BUB1B: variants seen among roughly 807,000 people sequenced by gnomAD.
BUB1B encodes BUB1 mitotic checkpoint serine/threonine kinase B.
In BUB1B, 86 loss-of-function variants were observed where a neutral mutation model predicts 137.7. The ratio of observed to expected loss-of-function variants is 0.62; its 90% confidence interval spans 0.52 to 0.75. The LOEUF is 0.75. Ranked by LOEUF, BUB1B falls within the 30% of genes least tolerant of loss-of-function variation. BUB1B has a pLI of 0.00. For missense variants in BUB1B, 1,130 were observed against 1,236.9 expected, an observed-to-expected ratio of 0.91 and a Z score of 1.30; for synonymous variants, 420 against 417.9, an observed-to-expected ratio of 1.00 and a Z score of -0.06.
chr15:40,204,515 A>G (rs778276749), intron 14 of BUB1B, among the ~76,000 whole-genome samples: 5 of 151,912 alleles, frequency 3.3e-5, no homozygotes, highest in Non-Finnish European at 7.4e-5. Flanking sequence ...CCCCTAAAAA[A>G]ATCATATTTA....
chr15:40,169,606 ATTC>A (rs2037137898), intron 2 of BUB1B, among the ~76,000 whole-genome samples: 1 of 106,584 alleles, frequency 9.4e-6, no homozygotes, highest in Admixed American at 9.3e-5. Context: ...AATTATTTCT[ATTC>A]TTTTTTTTTT....
intron 8 of BUB1B, among the ~76,000 whole-genome samples, chr15:40,187,852 T>C (rs1471244444): frequency 6.6e-6 from 1 of 152,100 alleles, no homozygotes; most frequent in East Asian, 1.9e-4. Context: ...CGGTGAGCTG[T>C]GACTGCACCA....
intron 1 of BUB1B, 150 bp from the exon 2 acceptor site, chr15:40,164,903 T>C: frequency 9.9e-7 from 1 of 1,007,748 alleles, no homozygotes; most frequent in Non-Finnish European, 1.5e-6. Context: ...CAAAGAAGCT[T>C]AGGCATATAA....
chr15:40,216,676 A>G (rs1361641556), intron 20 of BUB1B, among the ~76,000 whole-genome samples: 1 of 150,710 alleles, frequency 6.6e-6, no homozygotes, highest in Non-Finnish European at 1.5e-5. Flanking sequence ...AGTAAAATAC[A>G]TAGATCATTC....
At chr15:40,206,078 T>C (rs1431980034) in intron 14 of BUB1B, 106 bp from the exon 15 acceptor site, 5 of 1,153,074 alleles carry the variant, frequency 4.3e-6, no homozygotes, top group East Asian at 4.8e-5. Context: ...TATTCTGATA[T>C]GCTATTTCTG....
rs1324135738 is a variant in BUB1B, at chr15:40,165,056, A to G, written c.39A>G (p.Glu13=). 6.2e-7 allele frequency: 1 copy of G among 1,614,226 alleles called. No individual in the cohort carries two copies. The highest frequency in any genetic ancestry group is 1.7e-5 in the Admixed American group (1 of 60,026). Residue 13 remains glutamate, a synonymous_variant, in exon 2 of 23, where the codon GAA becomes GAG. Transcript: ENST00000287598. ...AVKKEGGALS[E]AMSLEGDEWE... ...ACATTTGTTTCCTTCTTCACAGTGA[A>G]GCCATGTCCCTGGAGGGAGATGAAT...
In BUB1B at chr15:40,161,097, G is replaced by A. The variant is rs1330342023; in HGVS notation, c.-124G>A. 2 of 1,298,940 alleles carry A rather than the reference G, an allele frequency of 1.5e-6. No homozygotes were observed. The highest frequency in any genetic ancestry group is 1.5e-5 in the African/African-American group (1 of 67,274). The allele number at this position is 1,298,940 out of a possible 1,614,324, so 80.5% of individuals were successfully genotyped here. A position where few individuals can be genotyped will look rare whatever the true frequency, so the allele number is the denominator to read the frequency against. On this transcript the variant is annotated 5_prime_UTR_variant, in exon 1 of 23. Coordinates refer to ENST00000287598, the MANE Select transcript of BUB1B (RefSeq NM_001211.6). ...GGCTTGAGGTGGCCGGTTTGTTAGG[G>A]AGTCGTGTACGTGCCTTGGTCGCTT...
chr15:40,218,339 T>G, intron 21 of BUB1B, 117 bp from the exon 22 acceptor site: 1 of 766,572 alleles, frequency 1.3e-6, no homozygotes, highest in Non-Finnish European at 2.3e-6. Flanking sequence ...TACTAAAATG[T>G]ATGTCATAAA....
At chr15:40,204,971 G>C (rs957689965) in intron 14 of BUB1B, among the ~76,000 whole-genome samples, 1 of 123,718 alleles carries the variant, frequency 8.1e-6, no homozygotes, top group African/African-American at 3.1e-5. Flanking sequence ...TTTTGAGACT[G>C]AGTTTCACTC....
chr15:40,175,898 G>A (rs538847762), intron 4 of BUB1B, among the ~76,000 whole-genome samples: 1 of 152,158 alleles, frequency 6.6e-6, no homozygotes, highest in East Asian at 1.9e-4. Context: ...CCTGATAAAA[G>A]TCCATTTCTC....
chr15:40,195,856 G>A (rs2037491337), intron 8 of BUB1B, among the ~76,000 whole-genome samples: 1 of 152,094 alleles, frequency 6.6e-6, no homozygotes, highest in Non-Finnish European at 1.5e-5. Context: ...ATTTGTTTGA[G>A]TTCCTGGTAG....
intron 4 of BUB1B, chr15:40,173,844 G>A (rs1047721756): frequency 1.1e-5 from 4 of 355,824 alleles, no homozygotes; most frequent in Non-Finnish European, 2.1e-5. Context: ...GTCAAGAGGA[G>A]TAACAGATGA....
chr15:40,165,030 T>G (rs375597548), intron 1 of BUB1B, 23 bp from the exon 2 acceptor site: 132 of 1,611,722 alleles, frequency 8.2e-5, no homozygotes, highest in Non-Finnish European at 1.1e-4. Flanking sequence ...GTATGAGATT[T>G]ACATTTGTTT....
chr15:40,180,642 CTTTTTTTTTTT>C (rs71132149), intron 5 of BUB1B, among the ~76,000 whole-genome samples: 9 of 65,838 alleles, frequency 1.4e-4, no homozygotes, highest in Admixed American at 9.0e-4. Context: ...TTTTCTTTTT[CTTTTTTTTTTT>C]TTTTTTTTTT....
chr15:40,170,447 C>T, intron 3 of BUB1B, 90 bp from the exon 4 acceptor site: 1 of 1,465,330 alleles, frequency 6.8e-7, no homozygotes, highest in South Asian at 1.2e-5. Flanking sequence ...ACATACTTTA[C>T]TTCTGCTAAA....
In BUB1B at chr15:40,213,342, AAC is replaced by A; in HGVS notation, c.2550_2551del (p.His850GlnfsTer2). On this transcript the variant is annotated frameshift_variant, in exon 20 of 23. Coordinates refer to ENST00000287598, the MANE Select transcript of BUB1B (RefSeq NM_001211.6). LOFTEE classifies it high-confidence loss of function. ...TCCTTCAATTTCCAGGATCTTCTCC[AAC>A]ACAGTGAATATATTACCCATGAAAT... 1 of 1,614,020 alleles carries A rather than the reference AAC, an allele frequency of 6.2e-7. No homozygotes were observed. The highest frequency in any genetic ancestry group is 8.5e-7 in the Non-Finnish European group (1 of 1,179,948).
intron 8 of BUB1B, among the ~76,000 whole-genome samples, chr15:40,185,933 A>G (rs2037355963): frequency 6.6e-6 from 1 of 152,210 alleles, no homozygotes; most frequent in South Asian, 2.1e-4. Flanking sequence ...TGAGTATGTT[A>G]GGGTTAAAAG....
At chr15:40,170,412 T>A (rs2037148350) in intron 3 of BUB1B, 125 bp from the exon 4 acceptor site, 1 of 1,124,910 alleles carries the variant, frequency 8.9e-7, no homozygotes, top group African/African-American at 1.5e-5. Flanking sequence ...AGGCTTAGGG[T>A]ATGTCATTGA....
intron 17 of BUB1B, 101 bp downstream of exon 17, chr15:40,209,876 A>T (rs1283400422): frequency 2.0e-6 from 3 of 1,487,802 alleles, no homozygotes; most frequent in Non-Finnish European, 2.8e-6. Context: ...ATATTCCTAG[A>T]TTGTATTTTT....
Sources: allele counts gnomAD v4.1 joint callset (sites outside exome capture counted in the v4.1 genomes callset), GRCh38; gene constraint gnomAD v4.1.1; transcripts MANE v1.5; gene names NCBI Gene and HGNC (gene_info 2026-07-23, HGNC 2026-07-21).